The following FSTL4 variants were observed in gnomAD, a reference collection of about 807,000 sequenced individuals.
The protein encoded by FSTL4 is follistatin-related protein 4.
Under a neutral mutation model 78.2 loss-of-function variants are expected in FSTL4, and 28 were observed. The observed-to-expected ratio is 0.36, with a 90% CI of 0.27 to 0.49. The LOEUF is 0.49. FSTL4 is among the 20% of genes least tolerant of loss of function. The pLI is 0.98. For missense variants in FSTL4, 922 were observed against 1,084.9 expected (o/e 0.85, Z 2.11); for synonymous variants, 422 against 440.5 (o/e 0.96, Z 0.53).
At chr5:133,322,225 CCACACACACACACACCCCCACACCCA>C (rs1561671622) in intron 4 of FSTL4, among the ~76,000 whole-genome samples, 5 of 140,316 alleles carry the variant, frequency 3.6e-5, no homozygotes, top group Non-Finnish European at 7.7e-5. Context: ...ACACACACAC[CCACACACACACACACCCCCACACCCA>C]CCCACACCCA....
intron 3 of FSTL4, among the ~76,000 whole-genome samples, chr5:133,495,909 G>C (rs1758359325): frequency 6.6e-6 from 1 of 152,168 alleles, no homozygotes; most frequent in Non-Finnish European, 1.5e-5. Context: ...CATCAAGTGG[G>C]GTTCCTCCAC....
chr5:133,673,862 G>A, the FSTL4 span, among the ~76,000 whole-genome samples: 1 of 152,176 alleles, frequency 6.6e-6, no homozygotes, highest in South Asian at 2.1e-4. Context: ...AAGCCAGGAG[G>A]GCAAGACTCA....
At chr5:133,222,765 T>C (rs755730551) in intron 11 of FSTL4, among the ~76,000 whole-genome samples, 11 of 152,208 alleles carry the variant, frequency 7.2e-5, no homozygotes, top group Non-Finnish European at 1.6e-4. Context: ...GTGTAGCTTC[T>C]GCTAAGAGGG....
chr5:133,350,178 T>TG (rs1229002924), intron 4 of FSTL4, among the ~76,000 whole-genome samples: 1 of 152,218 alleles, frequency 6.6e-6, no homozygotes, highest in Non-Finnish European at 1.5e-5. Context: ...GCCATGTGAC[T>TG]GTAAAGGACC....
intron 6 of FSTL4, among the ~76,000 whole-genome samples, chr5:133,309,383 C>T (rs534535917): frequency 6.6e-6 from 1 of 152,364 alleles, no homozygotes; most frequent in South Asian, 2.1e-4. Flanking sequence ...GGGGCACCCT[C>T]ATATTTCATT....
chr5:133,723,675 T>C, the FSTL4 span, among the ~76,000 whole-genome samples: 4 of 152,174 alleles, frequency 2.6e-5, no homozygotes, highest in African/African-American at 9.7e-5. Flanking sequence ...AGGCTCTGAT[T>C]CCCTGAGAAA....
At chr5:133,645,632 G>A in the FSTL4 span, among the ~76,000 whole-genome samples, 3 of 152,134 alleles carry the variant, frequency 2.0e-5, no homozygotes, top group Non-Finnish European at 4.4e-5. Flanking sequence ...GGACAAAGAT[G>A]TGATTAACGA....
the FSTL4 span, among the ~76,000 whole-genome samples, chr5:133,621,188 CAGG>C: frequency 6.6e-6 from 1 of 152,190 alleles, no homozygotes; most frequent in African/African-American, 2.4e-5. Flanking sequence ...ATCACGAGGT[CAGG>C]AGATCAATAC....
At chr5:133,594,613 G>C (rs550022848) in intron 2 of FSTL4, among the ~76,000 whole-genome samples, 2 of 152,326 alleles carry the variant, frequency 1.3e-5, no homozygotes, top group South Asian at 4.1e-4. Context: ...TCTAATTAGA[G>C]TATCTGCCTG....
chr5:133,480,429 G>A (rs137917304), intron 3 of FSTL4, among the ~76,000 whole-genome samples: 259 of 152,270 alleles, frequency 1.7e-3, no homozygotes, highest in African/African-American at 5.9e-3. Flanking sequence ...GTCATCCTGC[G>A]GCACTGAAGG....
chr5:133,245,121 T>TAAA (rs11315228), intron 7 of FSTL4, among the ~76,000 whole-genome samples: 11 of 91,452 alleles, frequency 1.2e-4, no homozygotes, highest in African/African-American at 3.8e-4. Context: ...CCCTACTGCC[T>TAAA]AAAAAAAAAA....
the FSTL4 span, among the ~76,000 whole-genome samples, chr5:133,804,411 A>G: frequency 6.6e-6 from 1 of 152,224 alleles, no homozygotes; most frequent in Non-Finnish European, 1.5e-5. Flanking sequence ...AAACCCGGCA[A>G]ACCCTTATAG....
intron 7 of FSTL4, among the ~76,000 whole-genome samples, chr5:133,239,095 G>T (rs973207859): frequency 1.3e-5 from 2 of 152,198 alleles, no homozygotes; most frequent in Non-Finnish European, 2.9e-5. Flanking sequence ...GCTGCCAGCC[G>T]GCAAGCCCCG....
chr5:133,546,834 C>G (rs539129810), intron 3 of FSTL4, among the ~76,000 whole-genome samples: 1 of 152,134 alleles, frequency 6.6e-6, no homozygotes, highest in East Asian at 1.9e-4. Context: ...TCAGGTATAG[C>G]TAGTGCCACT....
At chr5:133,658,182 C>A in the FSTL4 span, among the ~76,000 whole-genome samples, 3 of 152,038 alleles carry the variant, frequency 2.0e-5, no homozygotes, top group Non-Finnish European at 1.5e-5. Context: ...TTAGCTAATA[C>A]CATATTTAGG....
the FSTL4 span, among the ~76,000 whole-genome samples, chr5:133,842,029 A>G: frequency 6.6e-6 from 1 of 152,122 alleles, no homozygotes; most frequent in African/African-American, 2.4e-5. Context: ...CTCCTGTCTC[A>G]TCTTCCACCT....
chr5:133,421,791 A>T (rs1378189192), intron 3 of FSTL4, among the ~76,000 whole-genome samples: 1 of 151,400 alleles, frequency 6.6e-6, no homozygotes, highest in African/African-American at 2.4e-5. Flanking sequence ...ATTCATTCAG[A>T]TACCTATTGA....
chr5:133,552,609 C>G (rs1366588621), intron 3 of FSTL4, among the ~76,000 whole-genome samples: 1 of 152,138 alleles, frequency 6.6e-6, no homozygotes, highest in Non-Finnish European at 1.5e-5. Flanking sequence ...CTCTGCAGGC[C>G]AAGATGGTAT....
chr5:133,806,102 G>A, the FSTL4 span, among the ~76,000 whole-genome samples: 7 of 152,004 alleles, frequency 4.6e-5, no homozygotes, highest in Middle Eastern at 3.4e-3. Flanking sequence ...TCTCTGGCCC[G>A]CAAAACAAAT....
Sources: gnomAD v4.1 joint callset for allele counts (sites outside exome capture counted in the v4.1 genomes callset) on GRCh38, gnomAD v4.1.1 for gene constraint, MANE v1.5 for transcripts, NCBI Gene and HGNC (gene_info 2026-07-23, HGNC 2026-07-21) for gene names.